Variants in CHD9 observed in about 807,000 individuals in gnomAD.
CHD9 encodes the protein ATP-dependent chromatin remodeler CHD9.
A neutral mutation model predicts 316.1 loss-of-function variants in CHD9; 77 were observed. The ratio of observed to expected loss-of-function variants is 0.24; its 90% CI spans 0.20 to 0.29. CHD9 has a LOEUF of 0.29. CHD9 is among the 10% of genes least tolerant of loss of function. CHD9 has a pLI of 1.00. For synonymous variants in CHD9, 1,129 were observed against 1,158.3 expected (o/e 0.97, Z 0.51); for missense variants, 2,763 against 3,438.1 (o/e 0.80, Z 4.91).
chr16:53,242,846 A>G lies in CHD9; in HGVS notation c.2884A>G (p.Ile962Val). ...EMYFRDSQGR[I>V]IRGAYRFQAI... ...TATATTTGATCATTTCTAGGGGCGT[A>G]TCATTCGAGGAGCTTACAGATTCCA... The change falls in exon 13 of 39, where the codon ATC becomes GTC. Residue 962 changes from isoleucine (I) to valine (V), a missense_variant. Around this residue, in one of 15 missense-constraint regions of CHD9, gnomAD observed 186 missense variants for 245.0 expected, o/e 0.76. Transcript: ENST00000447540. 1 of 1,612,124 alleles carries G rather than the reference A, an allele frequency of 6.2e-7. No homozygotes were observed. The highest frequency in any genetic ancestry group is 8.5e-7 in the Non-Finnish European group (1 of 1,178,734).
chr16:53,205,936 GGT>G (rs564090663), intron 2 of CHD9, among the ~76,000 whole-genome samples: 50 of 151,982 alleles, frequency 3.3e-4, no homozygotes, highest in African/African-American at 1.1e-3. Flanking sequence ...TTCTCAACTA[GGT>G]TTCCTATTTC....
intron 1 of CHD9, among the ~76,000 whole-genome samples, chr16:53,097,411 CTCTT>C (rs1266462659): frequency 6.8e-6 from 1 of 148,028 alleles, no homozygotes; most frequent in Non-Finnish European, 1.5e-5. Flanking sequence ...TTCCTTCTTT[CTCTT>C]TCTTTCACAG....
chr16:53,177,231 C>T (rs983207584), intron 2 of CHD9, among the ~76,000 whole-genome samples: 1 of 152,166 alleles, frequency 6.6e-6, no homozygotes, highest in African/African-American at 2.4e-5. Flanking sequence ...GCTAGGATTA[C>T]AGGTGTGAGC....
intron 34 of CHD9, among the ~76,000 whole-genome samples, chr16:53,312,352 G>T (rs1328473808): frequency 1.3e-5 from 2 of 152,116 alleles, no homozygotes; most frequent in Non-Finnish European, 2.9e-5. Flanking sequence ...AATAAACGTT[G>T]GAAAAGAGGA....
At position 53,228,537 on chromosome 16, in the gene CHD9, GT is replaced by G. The variant is rs758037912; in HGVS notation, c.2169-425del. Among the ~76,000 whole-genome samples the G allele has an allele frequency of 1.3e-3, 133 of 105,052 alleles. 1 individual carries two copies. The highest frequency in any genetic ancestry group is 2.8e-3 in the African/African-American group (76 of 26,754). The allele number at this position is 105,052 out of a possible 152,430, so 68.9% of individuals were successfully genotyped here. On this transcript the variant is annotated intron_variant, in intron 7 of 38. Transcript: ENST00000447540. ...CTTATCTTTGTACCTCCATGAAAGTGTTTTTTTTTTTTTTTTTTTTTGAGAC... is the reference window on the plus strand; with the variant it reads ...CTTATCTTTGTACCTCCATGAAAGTGTTTTTTTTTTTTTTTTTTTTGAGAC...
At chr16:53,243,311 TTTTG>T (rs777702592) in intron 13 of CHD9, among the ~76,000 whole-genome samples, 6 of 152,036 alleles carry the variant, frequency 3.9e-5, no homozygotes, top group African/African-American at 7.2e-5. Context: ...TAAGTTTTTG[TTTTG>T]TTTGTTTGTT....
intron 12 of CHD9, 44 bp downstream of exon 12, chr16:53,238,630 T>A: frequency 6.3e-7 from 1 of 1,588,670 alleles, no homozygotes; most frequent in Admixed American, 1.7e-5. Flanking sequence ...AGGTCAGGGC[T>A]GAAAAAGATA....
rs567482556 is a variant in CHD9 at position 53,215,914 on chromosome 16, C to T, written c.1784+6101C>T. Among the ~76,000 whole-genome samples the T allele has an allele frequency of 1.4e-4, 22 of 152,294 alleles. No homozygotes were observed. The South Asian group carries it at 4.6e-3, about 32-fold the overall frequency. On this transcript the variant is annotated intron_variant, in intron 3 of 38. Coordinates refer to ENST00000447540, the MANE Select transcript of CHD9 (RefSeq NM_001308319.2). ...ATACTTATCAAATGAATTTACATTT[C>T]AAATTCATACTTTAGTTTGAAATTG... is the stretch of plus-strand genomic sequence containing the variant.
chr16:53,214,216 A>G (rs768625029), intron 3 of CHD9, among the ~76,000 whole-genome samples: 66 of 152,168 alleles, frequency 4.3e-4, no homozygotes, highest in Non-Finnish European at 5.1e-4. Context: ...GTCCACATGT[A>G]TGTCTTTAGA....
chr16:53,293,170 C>G lies in CHD9; in HGVS notation c.5510+118C>G. On this transcript the variant is annotated intron_variant, in intron 29 of 38. Coordinates refer to ENST00000447540, the MANE Select transcript of CHD9 (RefSeq NM_001308319.2). ...AACATACATAGAATGTTGGTCAAAG[C>G]AAACTGCTTTGTGCACATACACACA... 4 of 828,408 alleles carry G rather than the reference C, an allele frequency of 4.8e-6. No individual in the cohort carries two copies. The South Asian group carries it at 6.8e-5, about 14-fold the overall frequency. The allele number at this position is 828,408 out of a possible 1,614,324, so 51.3% of individuals were successfully genotyped here.
intron 10 of CHD9, among the ~76,000 whole-genome samples, chr16:53,234,914 C>T (rs1004320084): frequency 5.3e-5 from 8 of 151,494 alleles, no homozygotes; most frequent in Non-Finnish European, 1.2e-4. Context: ...CATCTTTGTT[C>T]GTGAGGGACA....
intron 30 of CHD9, among the ~76,000 whole-genome samples, chr16:53,300,597 C>T (rs2055295980): frequency 6.6e-6 from 1 of 152,118 alleles, no homozygotes; most frequent in African/African-American, 2.4e-5. Flanking sequence ...GGCTTGGAGA[C>T]TTTTTAATGG....
intron 34 of CHD9, 85 bp downstream of exon 34, chr16:53,308,939 T>A (rs1597953313): frequency 9.0e-7 from 1 of 1,106,250 alleles, no homozygotes; most frequent in Non-Finnish European, 1.3e-6. Context: ...GTAATAAAAA[T>A]TTATTTTTCC....
chr16:53,309,892 G>C (rs1353092118), intron 34 of CHD9, among the ~76,000 whole-genome samples: 69 of 152,154 alleles, frequency 4.5e-4, no homozygotes, highest in Non-Finnish European at 1.5e-5. Flanking sequence ...GAGTCTTAAT[G>C]CGTGGACCAC....
chr16:53,207,891 G>A (rs575327734), intron 2 of CHD9: 2 of 210,488 alleles, frequency 9.5e-6, no homozygotes, highest in South Asian at 1.7e-4. Context: ...CAGTCCATTG[G>A]GGGTTAAATT....
At chr16:53,321,385 T>C (rs2057265124) in intron 37 of CHD9, 141 bp from the exon 38 acceptor site, 4 of 1,387,368 alleles carry the variant, frequency 2.9e-6, no homozygotes, top group Non-Finnish European at 3.7e-6. Flanking sequence ...TGGGCCTTTT[T>C]AATATAATCA....
chr16:53,256,552 A>T (rs183875381), intron 19 of CHD9, among the ~76,000 whole-genome samples: 1 of 148,628 alleles, frequency 6.7e-6, no homozygotes, highest in African/African-American at 2.5e-5. Flanking sequence ...CAAACTCCTT[A>T]CCTCAGGTGA....
intron 2 of CHD9, among the ~76,000 whole-genome samples, chr16:53,167,782 G>T (rs1245155437): frequency 6.7e-6 from 1 of 150,362 alleles, no homozygotes; most frequent in Non-Finnish European, 1.5e-5. Context: ...TCTCTTTTTA[G>T]TTTCTATTCT....
In CHD9 at chr16:53,292,902, G is replaced by A. The variant is rs376635463; in HGVS notation, c.5360G>A (p.Arg1787His). 2.3e-5 allele frequency: 37 copies of A among 1,613,600 alleles called. No individual in the cohort carries two copies. Among genetic ancestry groups the A allele is most frequent in the Middle Eastern group, 1.6e-4 (1 of 6,062 alleles). Residue 1787 changes from arginine (R) to histidine (H), a missense_variant, in exon 29 of 39, where the codon CGT becomes CAT. Physicochemically the swap from Arg to His is conservative, Grantham distance 29. Transcript: ENST00000447540. ...TQSALTTRLR[R>H]LITAYQRTNK... is the part of the protein sequence containing the mutation. Reference sequence around the variant, plus strand: ...TCAGCTTTAACCACACGTTTGAGGCGTCTCATCACTGCATACCAGCGTACT... The same window carrying A: ...TCAGCTTTAACCACACGTTTGAGGCATCTCATCACTGCATACCAGCGTACT...
Sources: gnomAD v4.1 joint callset for allele counts (sites outside exome capture counted in the v4.1 genomes callset) on GRCh38, gnomAD v4.1.1 for gene constraint, gnomAD v4.1.1 regional missense constraint, MANE v1.5 for transcripts, NCBI Gene and HGNC (gene_info 2026-07-23, HGNC 2026-07-21) for gene names.